The following RAD18 variants were observed in gnomAD, a reference collection of about 807,000 sequenced individuals.
RAD18 encodes the protein E3 ubiquitin-protein ligase RAD18.
A neutral mutation model predicts 60.4 loss-of-function variants in RAD18; 47 were observed. That is an observed-to-expected ratio of 0.78 (90% CI 0.62 to 0.99). The LOEUF is 0.99. Ranked by LOEUF, RAD18 falls within the 50% of genes least tolerant of loss-of-function variation. RAD18 has a pLI of 0.00. For missense variants in RAD18, 640 were observed against 593.3 expected (o/e 1.08, Z -0.82); for synonymous variants, 225 against 195.5 (o/e 1.15, Z -1.26).
chr3:8,961,724 A>G (rs1232888570), intron 1 of RAD18, among the ~76,000 whole-genome samples: 1 of 152,248 alleles, frequency 6.6e-6, no homozygotes, highest in African/African-American at 2.4e-5. Flanking sequence ...GAGCAAAAAA[A>G]TACGGGCTCA....
Position 8,902,533 on chromosome 3 carries a change from A to G in RAD18, c.1028-13T>C, listed in dbSNP as rs371845211. On this transcript the variant is annotated splice_polypyrimidine_tract_variant and intron_variant, in intron 9 of 12. Transcript: ENST00000264926. Reference sequence around the variant, plus strand: ...TTATGTTTTTTACCTGAAATTCAAAAGATCTTCTCAGTAAAGCTAGGACTA... The same window carrying G: ...TTATGTTTTTTACCTGAAATTCAAAGGATCTTCTCAGTAAAGCTAGGACTA... The G allele has an allele frequency of 1.8e-5, 29 of 1,590,652 alleles. No homozygotes were observed. Among genetic ancestry groups the G allele is most frequent in the Non-Finnish European group, 2.4e-5 (28 of 1,169,884 alleles).
intron 11 of RAD18, 85 bp from the exon 12 acceptor site, chr3:8,890,536 G>A: frequency 9.5e-7 from 1 of 1,053,664 alleles, no homozygotes; most frequent in Non-Finnish European, 1.4e-6. Flanking sequence ...AAAAACAAAT[G>A]AGTCTATAGT....
rs938559094 is a variant in RAD18 at position 8,898,381 on chromosome 3, C to T, written c.1322+513G>A. Among the ~76,000 whole-genome samples, 656 of 148,526 alleles carry T rather than the reference C, an allele frequency of 4.4e-3. 1 individual carries two copies. Among genetic ancestry groups the T allele is most frequent in the Non-Finnish European group, 6.9e-3 (462 of 66,884 alleles). ...AAAAACTGGTATGTGTGTGTGCATG[C>T]GTGTGTGTGTGTGTGTGTGTGTGTG... On this transcript the variant is annotated intron_variant, in intron 11 of 12. Transcript: ENST00000264926.
chr3:8,889,484 A>G (rs45485292), intron 12 of RAD18, among the ~76,000 whole-genome samples: 1 of 152,178 alleles, frequency 6.6e-6, no homozygotes, highest in Non-Finnish European at 1.5e-5. Context: ...AATCATATAA[A>G]TGTGCTGGAA....
At chr3:8,881,498 T>A (rs1314630547) in intron 12 of RAD18, 39 bp from the exon 13 acceptor site, 3 of 1,494,652 alleles carry the variant, frequency 2.0e-6, no homozygotes, top group Non-Finnish European at 2.8e-6. Context: ...TGGAAAGTAA[T>A]GATTATTGTA....
chr3:8,915,434 G>A (rs1003038139), intron 7 of RAD18, among the ~76,000 whole-genome samples: 1 of 152,148 alleles, frequency 6.6e-6, no homozygotes. Flanking sequence ...CAGTACACCA[G>A]AGAAAAATTG....
intron 11 of RAD18, among the ~76,000 whole-genome samples, chr3:8,898,091 T>C (rs1035635462): frequency 6.6e-5 from 10 of 151,524 alleles, no homozygotes; most frequent in African/African-American, 2.4e-4. Context: ...AAAAAAAAAG[T>C]ATTCAATAGA....
chr3:8,907,633 A>ACAAG (rs1250477471), intron 9 of RAD18, among the ~76,000 whole-genome samples: 1 of 152,168 alleles, frequency 6.6e-6, no homozygotes, highest in African/African-American at 2.4e-5. Context: ...CGTCAGGGAT[A>ACAAG]CAAGCAGCTG....
In RAD18 at chr3:8,912,401, A is replaced by ATT. The variant is rs749788340; in HGVS notation, c.967-30_967-29insAA. The ATT allele has an allele frequency of 3.2e-5, 46 of 1,440,554 alleles. No homozygotes were observed. The East Asian group carries it at 1.1e-3, about 34-fold the overall frequency. 89.2% of individuals were successfully genotyped at this position (1,440,554 alleles called of 1,614,324 possible). A position where few individuals can be genotyped will look rare whatever the true frequency, so the allele number is the denominator to read the frequency against. ...AAATAATCAAAAAAAGACCTTAATA[A>ATT]AAATCTCCCCAAAATGACAAAAAGG... is the stretch of plus-strand genomic sequence containing the variant. On this transcript the variant is annotated intron_variant, in intron 8 of 12. Coordinates refer to ENST00000264926, the MANE Select transcript of RAD18 (RefSeq NM_020165.4).
chr3:8,894,134 T>C (rs1017924235), intron 11 of RAD18, among the ~76,000 whole-genome samples: 1 of 152,130 alleles, frequency 6.6e-6, no homozygotes, highest in African/African-American at 2.4e-5. Flanking sequence ...GCTTCAATAG[T>C]GGTAGCAGAA....
intron 7 of RAD18, among the ~76,000 whole-genome samples, chr3:8,916,891 C>T (rs1342782594): frequency 1.3e-5 from 2 of 151,894 alleles, no homozygotes; most frequent in African/African-American, 2.4e-5. Context: ...ATAGAAATCA[C>T]AGAAGAAGAA....
chr3:8,910,927 G>A (rs113363106), intron 9 of RAD18, among the ~76,000 whole-genome samples: 3,071 of 152,266 alleles, frequency 0.02, 87 homozygotes, highest in African/African-American at 0.069. Flanking sequence ...TTACCTCTAG[G>A]GAATGGGAAT....
chr3:8,909,459 G>A (rs896781448), intron 9 of RAD18, among the ~76,000 whole-genome samples: 6 of 151,956 alleles, frequency 3.9e-5, no homozygotes, highest in African/African-American at 1.2e-4. Flanking sequence ...GTACGGACTC[G>A]GGGGATATTT....
chr3:8,963,190 C>T, intron 1 of RAD18, 145 bp downstream of exon 1: 1 of 871,646 alleles, frequency 1.1e-6, no homozygotes. Context: ...ACGCGGTCGG[C>T]TAGTGGCAGG....
At chr3:8,952,551 C>T (rs112210231) in intron 2 of RAD18, among the ~76,000 whole-genome samples, 291 of 152,192 alleles carry the variant, frequency 1.9e-3, no homozygotes, top group African/African-American at 6.7e-3. Context: ...ACAATGGCAA[C>T]AATTTTTAAA....
intron 12 of RAD18, among the ~76,000 whole-genome samples, chr3:8,883,551 T>C (rs995989153): frequency 6.6e-6 from 1 of 152,224 alleles, no homozygotes; most frequent in Non-Finnish European, 1.5e-5. Context: ...TGGTGGGTTC[T>C]GTGTCTGTGC....
At chr3:8,928,451 AATGGT>A (rs1940487985) in intron 7 of RAD18, among the ~76,000 whole-genome samples, 1 of 152,202 alleles carries the variant, frequency 6.6e-6, no homozygotes, top group Non-Finnish European at 1.5e-5. Context: ...GCTTAAACAT[AATGGT>A]ATAATAGGTT....
chr3:8,961,959 A>T (rs1446877768), intron 1 of RAD18, among the ~76,000 whole-genome samples: 1 of 152,224 alleles, frequency 6.6e-6, no homozygotes, highest in Non-Finnish European at 1.5e-5. Context: ...ACAACAAATT[A>T]AAAGGGGAAA....
chr3:8,892,393 C>T (rs1218034195), intron 11 of RAD18, among the ~76,000 whole-genome samples: 1 of 152,188 alleles, frequency 6.6e-6, no homozygotes, highest in Non-Finnish European at 1.5e-5. Context: ...ATATAGATTA[C>T]ACGTGAGAAA....
Sources: gnomAD v4.1 joint callset for allele counts (sites outside exome capture counted in the v4.1 genomes callset) on GRCh38, gnomAD v4.1.1 for gene constraint, MANE v1.5 for transcripts, NCBI Gene and HGNC (gene_info 2026-07-23, HGNC 2026-07-21) for gene names.